Variants in OGN observed in about 807,000 individuals in gnomAD.
The protein encoded by OGN is mimecan.
In OGN, 19 loss-of-function variants were observed where a neutral mutation model predicts 30.8. The ratio of observed to expected loss-of-function variants is 0.62; its 90% confidence interval spans 0.43 to 0.90. The LOEUF (loss-of-function observed/expected upper bound fraction) is 0.90. Among genes scored for constraint, OGN ranks in the 40% least tolerant of loss-of-function variants. The pLI, the probability that OGN is intolerant of heterozygous loss-of-function variation, is 0.00. For synonymous variants in OGN, 126 were observed against 128.3 expected (o/e 0.98, Z 0.12); for missense variants, 283 against 349.7 (o/e 0.81, Z 1.52).
Position 92,389,849 on chromosome 9 carries a change from C to T in OGN, c.630+5G>A, listed in dbSNP as rs774817469. ...CTATGCTTAGTTTTACTATAAAATA[C>T]TTACTTTGAATGCATTTGCTTTGAT... On this transcript the variant is annotated splice_donor_5th_base_variant and intron_variant, in intron 5 of 6. Coordinates refer to ENST00000375561, the MANE Select transcript of OGN (RefSeq NM_014057.5). 6.3e-7 allele frequency: 1 copy of T among 1,583,104 alleles called. No homozygotes were observed. The highest frequency in any genetic ancestry group is 8.7e-7 in the Non-Finnish European group (1 of 1,154,018).
chr9:92,389,718 T>A (rs1457737715), intron 5 of OGN, 136 bp downstream of exon 5: 1 of 610,512 alleles, frequency 1.6e-6, no homozygotes, highest in African/African-American at 1.9e-5. Context: ...GGTTATTTAT[T>A]ATGTAAATAA....
At position 92,403,233 on chromosome 9, in the gene OGN, C is replaced by G; in HGVS notation, c.174+1G>C. 6.5e-7 allele frequency: 1 copy of G among 1,549,810 alleles called. No homozygotes were observed. The highest frequency in any genetic ancestry group is 8.8e-7 in the Non-Finnish European group (1 of 1,133,352). ...CTAAATTTAGAATAGAAATAAAGTA[C>G]CTTAATATTTTTTCCATCCAGGTAT... On this transcript the variant is annotated splice_donor_variant, in intron 2 of 6. Transcript: ENST00000375561. LOFTEE classifies it high-confidence loss of function.
At chr9:92,393,023 G>T in intron 4 of OGN, 63 bp downstream of exon 4, 2 of 1,326,140 alleles carry the variant, frequency 1.5e-6, no homozygotes, top group East Asian at 2.4e-5. Flanking sequence ...ATAGAAACTT[G>T]TGTTTATATG....
At chr9:92,387,051 A>AAG (rs1328603851) in intron 5 of OGN, among the ~76,000 whole-genome samples, 2 of 145,814 alleles carry the variant, frequency 1.4e-5, no homozygotes, top group African/African-American at 5.0e-5. Context: ...CTGTCTCAAA[A>AAG]AGAAAAAAAA....
At chr9:92,386,163 G>T in intron 6 of OGN, 38 bp downstream of exon 6, 1 of 1,426,272 alleles carries the variant, frequency 7.0e-7, no homozygotes, top group Non-Finnish European at 9.9e-7. Flanking sequence ...TGACTCATAG[G>T]TAATTAGAGT....
In OGN at chr9:92,395,064, A is replaced by G. The variant is rs142435440; in HGVS notation, c.269-1820T>C. ...TTTTGTGGTTAGCTGACTTACAATT[A>G]ATTGCGTGTATTTAAATCGTACAAC... On this transcript the variant is annotated intron_variant, in intron 3 of 6. Transcript: ENST00000375561. Among the ~76,000 whole-genome samples the G allele has an allele frequency of 2.2e-4, 33 of 152,184 alleles. 1 individual carries two copies. In the East Asian group the frequency reaches 5.8e-3, roughly 27 times the overall value.
chr9:92,387,465 G>A (rs1305946507), intron 5 of OGN, among the ~76,000 whole-genome samples: 9 of 151,808 alleles, frequency 5.9e-5, no homozygotes, highest in Admixed American at 5.9e-4. Flanking sequence ...TTTCCCTAAG[G>A]GCTTAATGTT....
At chr9:92,403,826 A>G (rs1270989252) in intron 1 of OGN, 1 of 309,108 alleles carries the variant, frequency 3.2e-6, no homozygotes, top group Non-Finnish European at 4.7e-6. Flanking sequence ...TAAAAATATC[A>G]TATTTCCACT....
intron 2 of OGN, among the ~76,000 whole-genome samples, chr9:92,402,776 A>G (rs578132216): frequency 6.6e-6 from 1 of 152,322 alleles, no homozygotes; most frequent in East Asian, 1.9e-4. Context: ...GTGGAATGCT[A>G]TTGATATCAA....
At chr9:92,390,277 G>T (rs887529810) in intron 4 of OGN, among the ~76,000 whole-genome samples, 2 of 152,072 alleles carry the variant, frequency 1.3e-5, no homozygotes, top group Non-Finnish European at 2.9e-5. Context: ...TAGAATCTCA[G>T]GTTTGAAAGT....
At chr9:92,399,342 C>T (rs761458525) in intron 3 of OGN, among the ~76,000 whole-genome samples, 1 of 152,062 alleles carries the variant, frequency 6.6e-6, no homozygotes, top group Admixed American at 6.5e-5. Context: ...TCATTTAAAT[C>T]ATCTTGTGAA....
At chr9:92,400,190 G>A (rs192729093) in intron 3 of OGN, among the ~76,000 whole-genome samples, 45 of 152,038 alleles carry the variant, frequency 3.0e-4, no homozygotes, top group African/African-American at 4.1e-4. Context: ...TTGCTCTGCC[G>A]CCTAGGCTGG....
chr9:92,386,784 A>T (rs905935763), intron 5 of OGN, among the ~76,000 whole-genome samples: 1 of 152,066 alleles, frequency 6.6e-6, no homozygotes. Flanking sequence ...AGGTTTCACC[A>T]TGTTGGCTGG....
At chr9:92,386,342 C>G in intron 5 of OGN, 46 bp from the exon 6 acceptor site, 2 of 1,228,774 alleles carry the variant, frequency 1.6e-6, no homozygotes, top group Non-Finnish European at 2.4e-6. Context: ...TCTGTACATT[C>G]TTTCACAGGA....
At chr9:92,390,563 A>AGTGTGTGTGTGT (rs61628295) in intron 4 of OGN, among the ~76,000 whole-genome samples, 57 of 150,554 alleles carry the variant, frequency 3.8e-4, no homozygotes, top group African/African-American at 1.1e-3. Flanking sequence ...AGAGAAATTC[A>AGTGTGTGTGTGT]GTGTGTGTGT....
chr9:92,400,270 T>G (rs1282273966), intron 3 of OGN, among the ~76,000 whole-genome samples: 1 of 152,018 alleles, frequency 6.6e-6, no homozygotes, highest in East Asian at 1.9e-4. Context: ...CTGCCTCAGC[T>G]TCCCGAGTAG....
intron 5 of OGN, among the ~76,000 whole-genome samples, chr9:92,388,248 G>A (rs1307277936): frequency 1.3e-5 from 2 of 150,840 alleles, no homozygotes; most frequent in African/African-American, 2.4e-5. Context: ...TGCAACTTCT[G>A]CCTCCCAGGT....
rs1842321052 is a variant in OGN at position 92,383,636 on chromosome 9, T to C, written c.*1984A>G. 6.6e-6 allele frequency among the ~76,000 whole-genome samples: 1 copy of C among 152,220 alleles called. No individual in the cohort carries two copies. Among genetic ancestry groups the C allele is most frequent in the African/African-American group, 2.4e-5 (1 of 41,462 alleles). On this transcript the variant is annotated 3_prime_UTR_variant, in exon 7 of 7. Transcript: ENST00000375561. ...GTGGTATAATTTGTATTGTTTATTT[T>C]GTTTTATTTGTGATTTAAGGTTGTG...
chr9:92,401,625 A>G (rs1843114606), intron 2 of OGN, among the ~76,000 whole-genome samples: 1 of 152,178 alleles, frequency 6.6e-6, no homozygotes, highest in Non-Finnish European at 1.5e-5. Flanking sequence ...TCACAAGTAT[A>G]AACTACCAAT....
Sources: gnomAD v4.1 joint callset for allele counts (sites outside exome capture counted in the v4.1 genomes callset) on GRCh38, gnomAD v4.1.1 for gene constraint, MANE v1.5 for transcripts, NCBI Gene and HGNC (gene_info 2026-07-23, HGNC 2026-07-21) for gene names.